Variants in CERS6 observed in about 807,000 individuals in gnomAD.
The protein encoded by CERS6 is LAG1 homolog, ceramide synthase 6.
In CERS6, 26 loss-of-function variants were observed where a neutral mutation model predicts 56.8. The observed-to-expected ratio is 0.46, with a 90% CI of 0.34 to 0.63. CERS6 has a LOEUF of 0.63. Ranked by LOEUF, CERS6 falls within the 30% of genes least tolerant of loss-of-function variation. The pLI is 0.01. For missense variants in CERS6, 415 were observed against 467.5 expected, an observed-to-expected ratio of 0.89 and a Z score of 1.04; for synonymous variants, 164 against 173.3, an observed-to-expected ratio of 0.95 and a Z score of 0.42.
At chr2:168,668,617 T>G (rs1294169762) in intron 4 of CERS6, among the ~76,000 whole-genome samples, 3 of 151,856 alleles carry the variant, frequency 2.0e-5, no homozygotes, top group Non-Finnish European at 4.4e-5. Context: ...CAGCCAATTA[T>G]TTTTCTTAAT....
At chr2:168,611,058 C>T (rs1449117274) in intron 3 of CERS6, among the ~76,000 whole-genome samples, 1 of 152,166 alleles carries the variant, frequency 6.6e-6, no homozygotes, top group East Asian at 1.9e-4. Context: ...ATATGCCCAC[C>T]TCAGCCTCTC....
At chr2:168,670,193 A>G (rs72879823) in intron 4 of CERS6, among the ~76,000 whole-genome samples, 26,736 of 152,252 alleles carry the variant, frequency 0.18, 2,471 homozygotes, top group Non-Finnish European at 0.21. Context: ...GAATTGAAAT[A>G]GAAAATCACA....
At chr2:168,729,965 C>T (rs1029196648) in intron 8 of CERS6, among the ~76,000 whole-genome samples, 6 of 152,176 alleles carry the variant, frequency 3.9e-5, no homozygotes, top group African/African-American at 1.4e-4. Flanking sequence ...TGCCCAGGAA[C>T]AGCTAGCACT....
chr2:168,499,384 A>G (rs1694538031), intron 1 of CERS6, among the ~76,000 whole-genome samples: 1 of 152,244 alleles, frequency 6.6e-6, no homozygotes, highest in Admixed American at 6.5e-5. Flanking sequence ...GTTATATAGA[A>G]CACAAGCATT....
chr2:168,583,628 G>A (rs1296532861), intron 3 of CERS6, among the ~76,000 whole-genome samples: 18 of 152,160 alleles, frequency 1.2e-4, no homozygotes, highest in Admixed American at 1.2e-3. Context: ...AATATTGTCA[G>A]GGTTGTTTGA....
intron 4 of CERS6, among the ~76,000 whole-genome samples, chr2:168,681,747 A>G (rs1295854237): frequency 6.6e-6 from 1 of 152,072 alleles, no homozygotes; most frequent in Non-Finnish European, 1.5e-5. Flanking sequence ...CTTCCTTTCT[A>G]GCTATATTTT....
intron 2 of CERS6, among the ~76,000 whole-genome samples, chr2:168,552,255 A>G (rs1443839097): frequency 6.6e-6 from 1 of 151,912 alleles, no homozygotes; most frequent in Non-Finnish European, 1.5e-5. Flanking sequence ...GTGAGTCTCC[A>G]TTATTCATTT....
intron 8 of CERS6, among the ~76,000 whole-genome samples, chr2:168,732,611 C>A (rs1683575333): frequency 6.6e-6 from 1 of 152,220 alleles, no homozygotes; most frequent in African/African-American, 2.4e-5. Flanking sequence ...TTTCTCACCC[C>A]ACATGCTGTC....
chr2:168,491,554 A>G (rs1489930781), intron 1 of CERS6, among the ~76,000 whole-genome samples: 1 of 152,172 alleles, frequency 6.6e-6, no homozygotes, highest in Non-Finnish European at 1.5e-5. Context: ...GAAAGTAGAC[A>G]CAGTAAGAAA....
chr2:168,678,361 T>C (rs1686119833), intron 4 of CERS6, among the ~76,000 whole-genome samples: 2 of 151,990 alleles, frequency 1.3e-5, no homozygotes, highest in Non-Finnish European at 2.9e-5. Flanking sequence ...GAAAGGGAAA[T>C]GTGGAGGAAG....
chr2:168,725,944 A>G (rs1683337439), intron 8 of CERS6, among the ~76,000 whole-genome samples: 1 of 152,128 alleles, frequency 6.6e-6, no homozygotes, highest in Non-Finnish European at 1.5e-5. Flanking sequence ...AGCTGTTACA[A>G]TTTTCATTGA....
intron 1 of CERS6, among the ~76,000 whole-genome samples, chr2:168,490,906 A>G (rs919113952): frequency 2.0e-5 from 3 of 152,224 alleles, no homozygotes; most frequent in African/African-American, 7.2e-5. Flanking sequence ...TTTGCTACCA[A>G]GTGACACTTT....
chr2:168,546,622 T>C (rs2105371897), intron 1 of CERS6, among the ~76,000 whole-genome samples: 1 of 152,358 alleles, frequency 6.6e-6, no homozygotes, highest in African/African-American at 2.4e-5. Flanking sequence ...TAAGATTTAA[T>C]TATGGTCTGT....
At chr2:168,624,436 C>T (rs1684544620) in intron 3 of CERS6, among the ~76,000 whole-genome samples, 1 of 152,126 alleles carries the variant, frequency 6.6e-6, no homozygotes, top group Non-Finnish European at 1.5e-5. Flanking sequence ...GTAATTTAAA[C>T]TTGCCATCTT....
At chr2:168,559,339 A>C (rs1397184846) in intron 2 of CERS6, among the ~76,000 whole-genome samples, 1 of 152,190 alleles carries the variant, frequency 6.6e-6, no homozygotes, top group Non-Finnish European at 1.5e-5. Flanking sequence ...CTGCTGTAAC[A>C]GAATACTATC....
chr2:168,527,722 C>T (rs1324359273), intron 1 of CERS6, among the ~76,000 whole-genome samples: 2 of 152,168 alleles, frequency 1.3e-5, no homozygotes, highest in African/African-American at 2.4e-5. Context: ...AGGGCCCCCC[C>T]GCCATCCATT....
At position 168,627,999 on chromosome 2, in the gene CERS6, C is replaced by T. The variant is rs563070712; in HGVS notation, c.408-2986C>T. 5.9e-5 allele frequency among the ~76,000 whole-genome samples: 9 copies of T among 152,138 alleles called. No individual in the cohort carries two copies. In the East Asian group the frequency reaches 9.7e-4, roughly 16 times the overall value. The stretch of plus-strand genomic sequence containing the variant: ...GACTCTGTGCAATGCTCCTTTATTC[C>T]ACCTATAATCTCTTTATCTTACCCG... On this transcript the variant is annotated intron_variant, in intron 3 of 9. Transcript: ENST00000305747.
chr2:168,459,500 A>G (rs1573996564), intron 1 of CERS6, among the ~76,000 whole-genome samples: 1 of 152,214 alleles, frequency 6.6e-6, no homozygotes, highest in East Asian at 1.9e-4. Context: ...CCTAAGGTCA[A>G]TGACTTTTGG....
At chr2:168,507,779 C>G (rs1245075463) in intron 1 of CERS6, among the ~76,000 whole-genome samples, 2 of 152,178 alleles carry the variant, frequency 1.3e-5, no homozygotes, top group African/African-American at 4.8e-5. Context: ...TTTCATCATT[C>G]TTTTCACATT....
Sources: allele counts gnomAD v4.1 joint callset (sites outside exome capture counted in the v4.1 genomes callset), GRCh38; gene constraint gnomAD v4.1.1; transcripts MANE v1.5; gene names NCBI Gene and HGNC (gene_info 2026-07-23, HGNC 2026-07-21).